The following IFNAR1 variants were observed in gnomAD, a reference collection of about 807,000 sequenced individuals.
The protein encoded by IFNAR1 is interferon alpha/beta receptor 1.
In IFNAR1, 47 loss-of-function variants were observed where a neutral mutation model predicts 62.1. The ratio of observed to expected loss-of-function variants is 0.76; its 90% CI spans 0.60 to 0.97. IFNAR1 has a LOEUF of 0.97. Among genes scored for constraint, IFNAR1 ranks in the 50% least tolerant of loss-of-function variants. The pLI is 0.00. For synonymous variants in IFNAR1, 219 were observed against 226.9 expected, an observed-to-expected ratio of 0.97 and a Z score of 0.31; for missense variants, 638 against 654.5, an observed-to-expected ratio of 0.97 and a Z score of 0.27.
intron 10 of IFNAR1, among the ~76,000 whole-genome samples, chr21:33,354,090 C>T (rs1348586005): frequency 1.3e-5 from 2 of 152,228 alleles, no homozygotes; most frequent in African/African-American, 4.8e-5. Flanking sequence ...CGCCTGTAAT[C>T]CCAGCACTTT....
intron 1 of IFNAR1, among the ~76,000 whole-genome samples, chr21:33,333,716 C>T (rs916682791): frequency 9.3e-5 from 14 of 150,154 alleles, no homozygotes; most frequent in African/African-American, 1.7e-4. Context: ...CTCCGCCTCC[C>T]GGGTTCACGC....
chr21:33,336,644 A>G (rs1260244234), intron 2 of IFNAR1, among the ~76,000 whole-genome samples: 2 of 151,722 alleles, frequency 1.3e-5, no homozygotes, highest in Admixed American at 6.6e-5. Context: ...ATGGCATTGT[A>G]CTCCAAAAGG....
rs1268127954 is a variant in IFNAR1, at chr21:33,349,220, C to T, written c.918C>T (p.Arg306=). The T allele has an allele frequency of 3.7e-6, 6 of 1,613,282 alleles. No individual in the cohort carries two copies. Among genetic ancestry groups the T allele is most frequent in the South Asian group, 3.3e-5 (3 of 90,938 alleles). The change falls in exon 7 of 11, where the codon CGC becomes CGT. Residue 306 remains arginine, a synonymous_variant. Coordinates refer to ENST00000270139, the MANE Select transcript of IFNAR1 (RefSeq NM_000629.3). ...TCCAAAAAGGAATTTACCTTCTCCG[C>T]GTACAAGCATCTGATGGAAATAACA... ...NVFQKGIYLL[R]VQASDGNNTS...
chr21:33,347,291 A>C (rs931801454), intron 6 of IFNAR1, among the ~76,000 whole-genome samples: 3 of 152,058 alleles, frequency 2.0e-5, no homozygotes, highest in Non-Finnish European at 4.4e-5. Context: ...CACCACACCC[A>C]GCTAATTTTT....
chr21:33,349,822 G>A (rs1029289336), intron 8 of IFNAR1, among the ~76,000 whole-genome samples: 6 of 151,864 alleles, frequency 4.0e-5, no homozygotes, highest in African/African-American at 1.2e-4. Context: ...GCTACTTGGG[G>A]TGGGAGGGTC....
chr21:33,338,922 A>C (rs924490131), intron 2 of IFNAR1, among the ~76,000 whole-genome samples: 15 of 152,046 alleles, frequency 9.9e-5, no homozygotes, highest in African/African-American at 3.1e-4. Flanking sequence ...TTGTATTTTT[A>C]GTAGAGACAG....
chr21:33,333,779 A>G (rs1296141955), intron 1 of IFNAR1, among the ~76,000 whole-genome samples: 5 of 149,506 alleles, frequency 3.3e-5, no homozygotes, highest in South Asian at 2.1e-4. Context: ...GCCCGCTACC[A>G]CGCCCGGCTA....
At chr21:33,340,925 C>A in intron 2 of IFNAR1, 74 bp from the exon 3 acceptor site, 2 of 904,680 alleles carry the variant, frequency 2.2e-6, no homozygotes, top group East Asian at 2.4e-5. Context: ...ACTCTTATAC[C>A]AGTAAATAGA....
At chr21:33,334,771 G>A (rs2083217056) in intron 1 of IFNAR1, 2 of 789,994 alleles carry the variant, frequency 2.5e-6, no homozygotes, top group East Asian at 5.3e-5. Flanking sequence ...TGGATGTCCA[G>A]ACTGAGGGCA....
chr21:33,324,594 A>C, upstream of IFNAR1: 1 of 157,442 alleles, frequency 6.4e-6, no homozygotes, highest in Non-Finnish European at 1.4e-5. Flanking sequence ...GACTGCAGAC[A>C]TGGGGAAGAG....
chr21:33,331,877 T>C (rs1267209047), intron 1 of IFNAR1, among the ~76,000 whole-genome samples: 2 of 151,912 alleles, frequency 1.3e-5, no homozygotes, highest in Admixed American at 6.6e-5. Context: ...CCCATAGGGG[T>C]AGAATCAAAG....
In IFNAR1 at chr21:33,345,230, G is replaced by T. The variant is rs1269644962; in HGVS notation, c.674-16G>T. On this transcript the variant is annotated splice_polypyrimidine_tract_variant and intron_variant, in intron 5 of 10. Coordinates refer to ENST00000270139, the MANE Select transcript of IFNAR1 (RefSeq NM_000629.3). ...TAAAAATGTGTGCTTTTTTTTATCT[G>T]TTCTTTGGCTTCTAGTTGAAAATGA... 4 of 1,250,498 alleles carry T rather than the reference G, an allele frequency of 3.2e-6. No homozygotes were observed. The highest frequency in any genetic ancestry group is 2.5e-5 in the South Asian group (2 of 80,874). The allele number at this position is 1,250,498 out of a possible 1,614,324, so 77.5% of individuals were successfully genotyped here. A position where few individuals can be genotyped will look rare whatever the true frequency, so the allele number is the denominator to read the frequency against.
chr21:33,324,877 CGTGCGCGGAGGGGCGGTGT>C, upstream of IFNAR1: 9 of 412,898 alleles, frequency 2.2e-5, no homozygotes, highest in South Asian at 3.0e-4. Flanking sequence ...AGGAACGGCG[CGTGCGCGGAGGGGCGGTGT>C]GTGTGTCAGA....
At chr21:33,326,260 A>G (rs1320888758) in intron 1 of IFNAR1, among the ~76,000 whole-genome samples, 1 of 147,522 alleles carries the variant, frequency 6.8e-6, no homozygotes, top group Non-Finnish European at 1.5e-5. Flanking sequence ...GCTGGTGTGC[A>G]GAGGCGTGAT....
At chr21:33,341,866 A>G (rs955515217) in intron 3 of IFNAR1, among the ~76,000 whole-genome samples, 6 of 152,064 alleles carry the variant, frequency 3.9e-5, no homozygotes, top group Admixed American at 6.5e-5. Context: ...TTTTTAGTAG[A>G]GACAGGGTTT....
Position 33,355,522 on chromosome 21 carries a change from T to G in IFNAR1, c.1647T>G (p.Ser549Arg). 6.9e-6 allele frequency: 11 copies of G among 1,596,988 alleles called. No individual in the cohort carries two copies. The highest frequency in any genetic ancestry group is 9.4e-6 in the Non-Finnish European group (11 of 1,172,428). ...SNEDESESKTSEELQQDFV is the reference protein window; with the variant it reads ...SNEDESESKTREELQQDFV Reference sequence around the variant, plus strand: ...AAGATGAAAGCGAAAGTAAAACAAGTGAAGAACTACAGCAGGACTTTGTAT... The same window carrying G: ...AAGATGAAAGCGAAAGTAAAACAAGGGAAGAACTACAGCAGGACTTTGTAT... Residue 549 changes from serine (S) to arginine (R), a missense_variant, in exon 11 of 11, where the codon AGT (serine) becomes AGG (arginine). By Grantham distance (110) the Ser-to-Arg change is moderately radical. Transcript: ENST00000270139.
In IFNAR1 at chr21:33,340,811, G is replaced by A. The variant is rs566165450; in HGVS notation, c.201-188G>A. 3.9e-5 allele frequency among the ~76,000 whole-genome samples: 6 copies of A among 152,286 alleles called. No individual in the cohort carries two copies. In the East Asian group the frequency reaches 5.8e-4, roughly 15 times the overall value. On this transcript the variant is annotated intron_variant, in intron 2 of 10. Transcript: ENST00000270139. ...ATGCATTGAAAAAGAGTGGAAGGGT[G>A]TATGCTAAAATGTTAATAGGACATT...
intron 6 of IFNAR1, among the ~76,000 whole-genome samples, chr21:33,348,766 C>T (rs17875831): frequency 6.6e-6 from 1 of 151,890 alleles, no homozygotes; most frequent in Non-Finnish European, 1.5e-5. Context: ...TCCTACCACT[C>T]CACTCCAGCC....
At chr21:33,331,977 A>G (rs941021755) in intron 1 of IFNAR1, among the ~76,000 whole-genome samples, 29 of 152,128 alleles carry the variant, frequency 1.9e-4, no homozygotes, top group African/African-American at 6.5e-4. Context: ...AAGCCCTGCC[A>G]CAGAGAGCAA....
Sources: allele counts gnomAD v4.1 joint callset (sites outside exome capture counted in the v4.1 genomes callset), GRCh38; gene constraint gnomAD v4.1.1; transcripts MANE v1.5; gene names NCBI Gene and HGNC (gene_info 2026-07-23, HGNC 2026-07-21).